The following GREB1 variants were observed in gnomAD, a reference collection of about 807,000 sequenced individuals.
GREB1 encodes growth regulating estrogen receptor binding 1.
In GREB1, 106 loss-of-function variants were observed where a neutral mutation model predicts 200.7. The observed-to-expected ratio is 0.53, with a 90% CI of 0.45 to 0.62. GREB1 has a LOEUF of 0.62. Among genes scored for constraint, GREB1 ranks in the 20% least tolerant of loss-of-function variants. The probability of loss-of-function intolerance (pLI) is 0.00; values close to 1 mark genes in which losing one functional copy is unlikely to be tolerated. For missense variants in GREB1, 2,243 were observed against 2,556.8 expected, an observed-to-expected ratio of 0.88 and a Z score of 2.65; for synonymous variants, 1,132 against 1,092.4, an observed-to-expected ratio of 1.04 and a Z score of -0.72.
intron 20 of GREB1, among the ~76,000 whole-genome samples, chr2:11,616,337 G>A (rs957817789): frequency 2.0e-5 from 3 of 152,214 alleles, no homozygotes; most frequent in Non-Finnish European, 4.4e-5. Context: ...GAGATGCCCT[G>A]CTTTTCCCCC....
In GREB1 at chr2:11,632,014, G is replaced by A. The variant is rs200385140; in HGVS notation, c.4717G>A (p.Val1573Met). The A allele has an allele frequency of 3.1e-6, 5 of 1,613,726 alleles. No homozygotes were observed. The highest frequency in any genetic ancestry group is 2.2e-5 in the East Asian group (1 of 44,874). ...HAMDGASHLH[V>M]LVVKEYEMAI... is the part of the protein sequence containing the mutation. ...AATGGACGGTGCCAGCCATTTGCAC[G>A]TGCTGGTTGTCAAGGAATACGAGAT... is the stretch of plus-strand genomic sequence containing the variant. Residue 1573 changes from valine to methionine, a missense_variant, in exon 27 of 33, where the codon GTG (valine) becomes ATG (methionine). Physicochemically the swap from Val to Met is conservative, Grantham distance 21. Transcript: ENST00000381486.
rs557696682 is a variant in GREB1 at position 11,524,696 on chromosome 2, T to C, written c.-158-31761T>C. 3.3e-5 allele frequency among the ~76,000 whole-genome samples: 5 copies of C among 152,346 alleles called. No homozygotes were observed. The South Asian group carries it at 1.0e-3, about 32-fold the overall frequency. ...TGTGCTTTCCAAAACACATCAGTCA[T>C]CTTCTCTTCACTGGTTGCATGGATG... is the stretch of plus-strand genomic sequence containing the variant. On this transcript the variant is annotated intron_variant, in intron 1 of 2. Transcript: ENST00000628795.
At chr2:11,554,984 CAG>C (rs1676293192) in intron 1 of GREB1, among the ~76,000 whole-genome samples, 1 of 152,120 alleles carries the variant, frequency 6.6e-6, no homozygotes, top group Non-Finnish European at 1.5e-5. Flanking sequence ...AAGAGGGAAT[CAG>C]AGGGAAATGA....
At chr2:11,543,773 A>C (rs1674977684) in intron 1 of GREB1, among the ~76,000 whole-genome samples, 1 of 152,146 alleles carries the variant, frequency 6.6e-6, no homozygotes, top group African/African-American at 2.4e-5. Context: ...TGGGAACCCC[A>C]GAGCGCTGTG....
intron 1 of GREB1, among the ~76,000 whole-genome samples, chr2:11,518,664 T>C (rs1673595775): frequency 6.6e-6 from 1 of 151,364 alleles, no homozygotes; most frequent in African/African-American, 2.4e-5. Flanking sequence ...TAGATTCTGA[T>C]GATATTTTGA....
intron 1 of GREB1, among the ~76,000 whole-genome samples, chr2:11,499,069 C>CA (rs1672961285): frequency 6.6e-6 from 1 of 152,188 alleles, no homozygotes. Context: ...CATGTATCTG[C>CA]AATCCCCATA....
At chr2:11,556,840 C>G in intron 2 of GREB1, 69 bp downstream of exon 2, 1 of 1,155,570 alleles carries the variant, frequency 8.7e-7, no homozygotes. Flanking sequence ...AGCACCAGAA[C>G]TTGAAACTCT....
At chr2:11,620,313 T>G (rs1033251923) in intron 22 of GREB1, among the ~76,000 whole-genome samples, 6 of 152,170 alleles carry the variant, frequency 3.9e-5, no homozygotes, top group Non-Finnish European at 5.9e-5. Context: ...GGGAGGGTAC[T>G]GGGCCAGACC....
Position 11,640,359 on chromosome 2 carries a change from G to C in GREB1, c.5755G>C (p.Glu1919Gln), listed in dbSNP as rs1198372753. The change falls in exon 33 of 33, where the codon GAG (glutamate) becomes CAG (glutamine). Residue 1919 changes from glutamate to glutamine, a missense_variant. Around this residue, in one of 3 missense-constraint regions of GREB1, gnomAD observed 478 missense variants for 616.3 expected, o/e 0.78. Transcript: ENST00000381486. The surrounding 1 kb of genome is among the most constrained non-coding windows in gnomAD (Gnocchi z 4.6). ...CCAGACGGTCGTCCGCCTGGAGCTC[G>C]AGGACGAGTGGCAGTTCCGGCTGCG... Reference protein sequence around the residue: ...LRQTVVRLELEDEWQFRLRDE... With the variant: ...LRQTVVRLELQDEWQFRLRDE... 3.7e-6 allele frequency: 6 copies of C among 1,614,062 alleles called. No individual in the cohort carries two copies. Among genetic ancestry groups the C allele is most frequent in the Non-Finnish European group, 5.1e-6 (6 of 1,180,046 alleles).
At chr2:11,501,895 GTTTTTTTTTGTTTTTTTTTTT>G (rs1279316414) in intron 1 of GREB1, among the ~76,000 whole-genome samples, 63 of 45,564 alleles carry the variant, frequency 1.4e-3, no homozygotes, top group Non-Finnish European at 1.7e-3. Flanking sequence ...TGGATTTCCT[GTTTTTTTTTGTTTTTTTTTTT>G]TTTTTTTTTT....
At chr2:11,625,723 G>A (rs1013837678) in intron 24 of GREB1, among the ~76,000 whole-genome samples, 2 of 152,200 alleles carry the variant, frequency 1.3e-5, no homozygotes, top group Non-Finnish European at 2.9e-5. Context: ...GCGCTGCAGT[G>A]TACCGGGGCC....
intron 1 of GREB1, among the ~76,000 whole-genome samples, chr2:11,555,518 A>G (rs1676345110): frequency 6.6e-6 from 1 of 152,224 alleles, no homozygotes; most frequent in Non-Finnish European, 1.5e-5. Flanking sequence ...TCTGAAGAGA[A>G]TTAAGTCTAA....
At chr2:11,525,419 C>T (rs1294925291) in intron 1 of GREB1, among the ~76,000 whole-genome samples, 1 of 150,112 alleles carries the variant, frequency 6.7e-6, no homozygotes, top group African/African-American at 2.5e-5. Context: ...ATCGCTTGAA[C>T]CTAGGAAGTG....
chr2:11,519,235 G>A (rs1377824734), intron 1 of GREB1, among the ~76,000 whole-genome samples: 6 of 151,868 alleles, frequency 4.0e-5, no homozygotes, highest in Admixed American at 1.3e-4. Flanking sequence ...ATAAAATTTA[G>A]ATAGACATCG....
intron 10 of GREB1, among the ~76,000 whole-genome samples, chr2:11,589,396 C>G (rs1214361094): frequency 6.6e-6 from 1 of 152,096 alleles, no homozygotes; most frequent in Non-Finnish European, 1.5e-5. Flanking sequence ...GGAATGAGGA[C>G]AGGTGGGGCC....
chr2:11,500,550 C>T (rs997814826), intron 1 of GREB1, among the ~76,000 whole-genome samples: 9 of 151,968 alleles, frequency 5.9e-5, no homozygotes, highest in African/African-American at 2.2e-4. Flanking sequence ...GTGATCCACT[C>T]GCCTTGGCAT....
At position 11,634,153 on chromosome 2, in the gene GREB1, A is replaced by G; in HGVS notation, c.5014A>G (p.Asn1672Asp). The change falls in exon 29 of 33, where the codon AAC (asparagine) becomes GAC (aspartate). Residue 1672 changes from asparagine (N) to aspartate (D), a missense_variant. Physicochemically the swap from Asn to Asp is conservative, Grantham distance 23 (BLOSUM62 1). Coordinates refer to ENST00000381486, the MANE Select transcript of GREB1 (RefSeq NM_014668.4). The stretch of plus-strand genomic sequence containing the variant: ...CAGGGAGTTCTCCTGGTCGGAAAGG[A>G]ACGTGTCTTTGAAGCACATCATGCA... ...RSREFSWSERNVSLKHIMQHI... is the reference protein window; with the variant it reads ...RSREFSWSERDVSLKHIMQHI... 1 of 1,614,200 alleles carries G rather than the reference A, an allele frequency of 6.2e-7. No individual in the cohort carries two copies. Among genetic ancestry groups the G allele is most frequent in the Non-Finnish European group, 8.5e-7 (1 of 1,180,024 alleles).
chr2:11,635,887 G>A (rs1373518070), intron 30 of GREB1, among the ~76,000 whole-genome samples: 1 of 152,206 alleles, frequency 6.6e-6, no homozygotes. Flanking sequence ...AGCAAGTCTT[G>A]ATAGCTCTGT....
At chr2:11,564,986 G>A (rs1449505978) in intron 3 of GREB1, among the ~76,000 whole-genome samples, 1 of 152,162 alleles carries the variant, frequency 6.6e-6, no homozygotes, top group Non-Finnish European at 1.5e-5. Flanking sequence ...CACAAGAATA[G>A]CGTGGGAAAG....
Sources: gnomAD v4.1 joint callset for allele counts (sites outside exome capture counted in the v4.1 genomes callset) on GRCh38, gnomAD v4.1.1 for gene constraint, gnomAD v4.1.1 regional missense constraint, Gnocchi (gnomAD v3.1) non-coding constraint, MANE v1.5 for transcripts, NCBI Gene and HGNC (gene_info 2026-07-23, HGNC 2026-07-21) for gene names.